PRIM2: variants seen among roughly 807,000 people sequenced by gnomAD.
PRIM2 encodes the protein DNA primase large subunit.
In PRIM2, 39 loss-of-function variants were observed where a neutral mutation model predicts 67.3. That is an observed-to-expected ratio of 0.58 (90% confidence interval 0.45 to 0.76). The LOEUF (loss-of-function observed/expected upper bound fraction) is 0.76, where lower values mean the gene tolerates loss of function less well. PRIM2 is among the 30% of genes least tolerant of loss of function. PRIM2 has a pLI of 0.00. For synonymous variants in PRIM2, 143 were observed against 198.7 expected, an observed-to-expected ratio of 0.72 and a Z score of 2.36; for missense variants, 398 against 598.7, an observed-to-expected ratio of 0.66 and a Z score of 3.50.
chr6:57,374,588 G>C (rs534128374), intron 5 of PRIM2, among the ~76,000 whole-genome samples: 1 of 145,372 alleles, frequency 6.9e-6, no homozygotes, highest in Non-Finnish European at 1.5e-5. Flanking sequence ...CACCGCGCCC[G>C]GCCTTATTTA....
chr6:57,643,181 C>G (rs1232089808), intron 13 of PRIM2, among the ~76,000 whole-genome samples: 4 of 152,148 alleles, frequency 2.6e-5, no homozygotes, highest in African/African-American at 9.7e-5. Context: ...GTATTGCTAA[C>G]TGACAACTTG....
At position 57,635,644 on chromosome 6, in the gene PRIM2, T is replaced by C. The variant is rs1479494861; in HGVS notation, c.1299+3443T>C. On this transcript the variant is annotated intron_variant, in intron 13 of 13. Transcript: ENST00000615550. ...ACCATATAAATCTCTAGAGAAATCT[T>C]ATTAAAACTTATCACACATTTTCCT... Among the ~76,000 whole-genome samples, 40 of 152,310 alleles carry C rather than the reference T, an allele frequency of 2.6e-4. No homozygotes were observed. The East Asian group carries it at 7.1e-3, about 27-fold the overall frequency.
At chr6:57,330,905 G>A (rs536772817) in intron 5 of PRIM2, among the ~76,000 whole-genome samples, 11 of 152,100 alleles carry the variant, frequency 7.2e-5, no homozygotes, top group African/African-American at 1.7e-4. Context: ...GTGTTGGGCC[G>A]GGCGCGGTGG....
At chr6:57,531,821 A>G (rs1324689428) in intron 8 of PRIM2, among the ~76,000 whole-genome samples, 2 of 152,194 alleles carry the variant, frequency 1.3e-5, no homozygotes, top group Non-Finnish European at 2.9e-5. Flanking sequence ...GGTTGCAAGG[A>G]TCTAATTAGA....
chr6:57,621,895 T>G (rs1231532642), intron 12 of PRIM2, among the ~76,000 whole-genome samples: 1 of 152,196 alleles, frequency 6.6e-6, no homozygotes, highest in African/African-American at 2.4e-5. Context: ...CCTCAGCATT[T>G]GTTTATCTGG....
Position 57,478,027 on chromosome 6 carries a change from G to T in PRIM2, c.694-29360G>T, listed in dbSNP as rs1204638850. Among the ~76,000 whole-genome samples, 5 of 152,100 alleles carry T rather than the reference G, an allele frequency of 3.3e-5. No individual in the cohort carries two copies. In the East Asian group the frequency reaches 9.6e-4, roughly 29 times the overall value. On this transcript the variant is annotated intron_variant, in intron 7 of 13. Transcript: ENST00000615550. ...AGCTAATGTTGATTGTTTTCTGTAA[G>T]TCTGATAACGTGTATGTTTAATACC...
chr6:57,595,027 T>A (rs1776341504), intron 10 of PRIM2, among the ~76,000 whole-genome samples: 1 of 152,226 alleles, frequency 6.6e-6, no homozygotes, highest in African/African-American at 2.4e-5. Context: ...AAAGTGCTCA[T>A]GATCATTAGT....
rs1171720131 is a variant in PRIM2, at chr6:57,537,570, A to G, written c.965A>G (p.Gln322Arg). 1.3e-6 allele frequency: 2 copies of G among 1,578,738 alleles called. No individual in the cohort carries two copies. The highest frequency in any genetic ancestry group is 2.7e-5 in the African/African-American group (2 of 74,140). Residue 322 changes from glutamine (Q) to arginine (R), a missense_variant, in exon 10 of 14, where the codon CAG becomes CGG. Transcript: ENST00000615550. The stretch of plus-strand genomic sequence containing the variant: ...AAGGGCATTGGTTTAACTTTGGAAC[A>G]GGCATTGCAGTTCTGGAAGCAAGAA... ...FLKGIGLTLE[Q>R]ALQFWKQEFI...
chr6:57,411,292 A>C (rs1771080959), intron 7 of PRIM2, among the ~76,000 whole-genome samples: 1 of 152,094 alleles, frequency 6.6e-6, no homozygotes, highest in Non-Finnish European at 1.5e-5. Context: ...CTCTTTTCTT[A>C]TAAATTACCC....
At chr6:57,283,505 G>A in the PRIM2 span, among the ~76,000 whole-genome samples, 2 of 152,080 alleles carry the variant, frequency 1.3e-5, no homozygotes, top group African/African-American at 4.8e-5. Flanking sequence ...ACATATATAG[G>A]TGGCAGATAC....
intron 7 of PRIM2, among the ~76,000 whole-genome samples, chr6:57,396,226 A>T (rs1770509233): frequency 7.2e-5 from 11 of 152,168 alleles, no homozygotes. Context: ...TTCTGTCTTG[A>T]TGACCTGTCT....
At chr6:57,240,168 C>T in the PRIM2 span, among the ~76,000 whole-genome samples, 8 of 147,990 alleles carry the variant, frequency 5.4e-5, no homozygotes, top group South Asian at 2.1e-4. Context: ...GGCGCGATCT[C>T]GGCTCACACT....
At chr6:57,548,774 A>C (rs1775340699) in intron 10 of PRIM2, among the ~76,000 whole-genome samples, 1 of 152,198 alleles carries the variant, frequency 6.6e-6, no homozygotes, top group Non-Finnish European at 1.5e-5. Context: ...AAGTAGAAAG[A>C]AGAGCTGTGG....
intron 10 of PRIM2, among the ~76,000 whole-genome samples, chr6:57,578,127 G>T (rs1269057331): frequency 6.6e-6 from 1 of 152,116 alleles, no homozygotes; most frequent in Non-Finnish European, 1.5e-5. Flanking sequence ...TGCATTTTTG[G>T]CAGGACAGGC....
chr6:57,334,448 A>G (rs1206896432), intron 5 of PRIM2, among the ~76,000 whole-genome samples: 1 of 152,148 alleles, frequency 6.6e-6, no homozygotes, highest in African/African-American at 2.4e-5. Flanking sequence ...GCTGGAACAT[A>G]TGGTGGTTCT....
chr6:57,522,304 C>T (rs1774640991), intron 8 of PRIM2, among the ~76,000 whole-genome samples: 1 of 152,164 alleles, frequency 6.6e-6, no homozygotes, highest in African/African-American at 2.4e-5. Flanking sequence ...CAGGGCAAGT[C>T]ATCTGGCTAT....
At position 57,580,580 on chromosome 6, in the gene PRIM2, G is replaced by C. The variant is rs1228118757; in HGVS notation, c.1021-20513G>C. On this transcript the variant is annotated intron_variant, in intron 10 of 13. Coordinates refer to ENST00000615550, the MANE Select transcript of PRIM2 (RefSeq NM_000947.5). ...AATAAACTGGGGAGAAGCTTGCAAG[G>C]CCTATTTGTTCACATTCTTCTCTGT... Among the ~76,000 whole-genome samples the C allele has an allele frequency of 4.6e-5, 7 of 152,274 alleles. No individual in the cohort carries two copies. The East Asian group carries it at 1.2e-3, about 25-fold the overall frequency.
intron 10 of PRIM2, among the ~76,000 whole-genome samples, chr6:57,585,776 G>A (rs1287082985): frequency 1.3e-5 from 2 of 152,182 alleles, no homozygotes; most frequent in Non-Finnish European, 2.9e-5. Flanking sequence ...CGAGGAGCCT[G>A]ACTTAAGTTT....
At chr6:57,340,941 T>A (rs1768459910) in intron 5 of PRIM2, among the ~76,000 whole-genome samples, 1 of 152,194 alleles carries the variant, frequency 6.6e-6, no homozygotes, top group African/African-American at 2.4e-5. Flanking sequence ...ACAAGAGTGT[T>A]GGTGTTTAAA....
Sources: gnomAD v4.1 joint callset for allele counts (sites outside exome capture counted in the v4.1 genomes callset) on GRCh38, gnomAD v4.1.1 for gene constraint, MANE v1.5 for transcripts, NCBI Gene and HGNC (gene_info 2026-07-23, HGNC 2026-07-21) for gene names.